Variants in ATP6V1H observed in about 807,000 individuals in gnomAD.
ATP6V1H encodes the protein ATPase H+ transporting V1 subunit H, also known as V-type proton ATPase subunit H.
In ATP6V1H, 39 loss-of-function variants were observed where a neutral mutation model predicts 71.7. The observed-to-expected ratio is 0.54, with a 90% confidence interval of 0.42 to 0.71. The LOEUF is 0.71. Among genes scored for constraint, ATP6V1H ranks in the 30% least tolerant of loss-of-function variants. The pLI is 0.00. For synonymous variants in ATP6V1H, 192 were observed against 199.3 expected (o/e 0.96, Z 0.31); for missense variants, 509 against 594.9 (o/e 0.86, Z 1.50).
chr8:53,843,165 G>A lies in ATP6V1H; in HGVS notation c.-167C>T, dbSNP rs981928195. The A allele has an allele frequency of 6.6e-6, 1 of 152,442 alleles. No individual in the cohort carries two copies. The highest frequency in any genetic ancestry group is 1.5e-5 in the Non-Finnish European group (1 of 68,216). The allele number at this position is 152,442 out of a possible 1,614,324, so 9.4% of individuals were successfully genotyped here. A position where few individuals can be genotyped will look rare whatever the true frequency, so the allele number is the denominator to read the frequency against. On this transcript the variant is annotated 5_prime_UTR_variant, in exon 1 of 14. Coordinates refer to ENST00000359530, the MANE Select transcript of ATP6V1H (RefSeq NM_015941.4). ...CGTCTCCTGTCAGGTCCAGAGGTCT[G>A]AGCAGTGGAGGGAGACTCCGGGAGC...
chr8:53,735,897 C>G (rs1385979944), intron 13 of ATP6V1H, among the ~76,000 whole-genome samples: 1 of 152,148 alleles, frequency 6.6e-6, no homozygotes, highest in Non-Finnish European at 1.5e-5. Context: ...CGGCTAACAC[C>G]GGCATCTCAG....
In ATP6V1H at chr8:53,733,162, T is replaced by G. The variant is rs376432176; in HGVS notation, c.1391+10415A>C. On this transcript the variant is annotated intron_variant, in intron 13 of 13. Transcript: ENST00000359530. ...CTATTATCCAGACTCATAACCCTAC[T>G]TAGGCTGACTGCCGCCAGCTGCTCA... is the stretch of plus-strand genomic sequence containing the variant. Among the ~76,000 whole-genome samples the G allele has an allele frequency of 9.2e-5, 14 of 152,336 alleles. No individual in the cohort carries two copies. In the East Asian group the frequency reaches 2.3e-3, roughly 25 times the overall value.
intron 10 of ATP6V1H, among the ~76,000 whole-genome samples, chr8:53,770,312 T>C (rs941300738): frequency 6.6e-6 from 1 of 152,186 alleles, no homozygotes; most frequent in Non-Finnish European, 1.5e-5. Flanking sequence ...TCTGTACATA[T>C]AACAAACTGC....
At chr8:53,837,171 A>G (rs1466182812) in intron 2 of ATP6V1H, among the ~76,000 whole-genome samples, 2 of 152,056 alleles carry the variant, frequency 1.3e-5, no homozygotes, top group African/African-American at 4.8e-5. Flanking sequence ...AGTGAATAGG[A>G]TAGAAAAACC....
chr8:53,800,687 C>A (rs1410807401), intron 8 of ATP6V1H, among the ~76,000 whole-genome samples: 2 of 152,156 alleles, frequency 1.3e-5, no homozygotes, highest in Non-Finnish European at 2.9e-5. Context: ...TCATTTCGCT[C>A]AAGGACATGT....
chr8:53,826,593 G>A (rs895382720), intron 4 of ATP6V1H, among the ~76,000 whole-genome samples: 26 of 151,514 alleles, frequency 1.7e-4, no homozygotes, highest in Admixed American at 5.3e-4. Flanking sequence ...ATAAGAGGGG[G>A]AAATAAAAAA....
intron 13 of ATP6V1H, among the ~76,000 whole-genome samples, chr8:53,729,205 T>A (rs948978438): frequency 6.6e-6 from 1 of 152,120 alleles, no homozygotes. Flanking sequence ...TGTTTTTTTT[T>A]AAGTTATACT....
At chr8:53,749,089 C>T (rs900049775) in intron 12 of ATP6V1H, among the ~76,000 whole-genome samples, 5 of 152,198 alleles carry the variant, frequency 3.3e-5, no homozygotes, top group Admixed American at 6.5e-5. Flanking sequence ...GAGAAGTTCA[C>T]AGTCTAGTGA....
At chr8:53,816,859 C>T (rs1380583739) in intron 5 of ATP6V1H, among the ~76,000 whole-genome samples, 13 of 152,032 alleles carry the variant, frequency 8.6e-5, no homozygotes, top group South Asian at 4.2e-4. Context: ...AAAATAAAAA[C>T]GAAACACAGT....
intron 11 of ATP6V1H, among the ~76,000 whole-genome samples, chr8:53,765,424 G>T (rs552043723): frequency 9.2e-6 from 1 of 109,078 alleles, no homozygotes; most frequent in Non-Finnish European, 2.1e-5. Context: ...AAAGGGCAGG[G>T]CGGGGAGGGT....
intron 2 of ATP6V1H, chr8:53,840,075 A>C (rs1230555127): frequency 4.0e-6 from 1 of 247,670 alleles, no homozygotes; most frequent in Non-Finnish European, 6.4e-6. Flanking sequence ...ACATGGCTAA[A>C]TACCCATCAT....
intron 11 of ATP6V1H, among the ~76,000 whole-genome samples, chr8:53,760,343 C>T (rs1808227735): frequency 6.6e-6 from 1 of 152,114 alleles, no homozygotes; most frequent in African/African-American, 2.4e-5. Flanking sequence ...GTGCATGTGG[C>T]CCCTCCCAAG....
At chr8:53,781,900 ATC>A (rs1255057009) in intron 9 of ATP6V1H, among the ~76,000 whole-genome samples, 1 of 152,116 alleles carries the variant, frequency 6.6e-6, no homozygotes, top group Non-Finnish European at 1.5e-5. Context: ...ATTGGTTTAT[ATC>A]TCTGTTTTGG....
intron 8 of ATP6V1H, among the ~76,000 whole-genome samples, chr8:53,798,366 A>C (rs992753569): frequency 1.3e-5 from 2 of 152,110 alleles, no homozygotes; most frequent in African/African-American, 4.8e-5. Flanking sequence ...TCTACTAAAA[A>C]TACAAAAATT....
At chr8:53,829,606 TTG>T (rs1481299969) in intron 3 of ATP6V1H, 73 bp from the exon 4 acceptor site, 4 of 889,518 alleles carry the variant, frequency 4.5e-6, no homozygotes, top group African/African-American at 1.7e-5. Context: ...CAGTAAAACA[TTG>T]TCTCTCTTTC....
chr8:53,771,900 G>A, intron 10 of ATP6V1H, 89 bp downstream of exon 10: 2 of 1,182,296 alleles, frequency 1.7e-6, no homozygotes, highest in Non-Finnish European at 2.4e-6. Flanking sequence ...TTGTATAGGT[G>A]ACAACAAATT....
At chr8:53,738,961 GT>G (rs1410358828) in intron 13 of ATP6V1H, among the ~76,000 whole-genome samples, 5 of 151,900 alleles carry the variant, frequency 3.3e-5, no homozygotes, top group Non-Finnish European at 5.9e-5. Context: ...AGTTATATTT[GT>G]TTTTTTCAAA....
At chr8:53,821,072 A>T (rs915110829) in intron 4 of ATP6V1H, among the ~76,000 whole-genome samples, 42 of 147,782 alleles carry the variant, frequency 2.8e-4, no homozygotes, top group African/African-American at 1.1e-3. Flanking sequence ...TCACCAGAAA[A>T]AAAAAAAAGA....
intron 13 of ATP6V1H, among the ~76,000 whole-genome samples, chr8:53,734,018 A>T (rs549725976): frequency 3.0e-4 from 45 of 152,362 alleles, no homozygotes; most frequent in Middle Eastern, 3.4e-3. Flanking sequence ...GGGCCTTAAC[A>T]GCAACTGCCC....
Sources: allele counts gnomAD v4.1 joint callset (sites outside exome capture counted in the v4.1 genomes callset), GRCh38; gene constraint gnomAD v4.1.1; transcripts MANE v1.5; gene names NCBI Gene and HGNC (gene_info 2026-07-23, HGNC 2026-07-21).